The following USP6NL variants were observed in gnomAD, a reference collection of about 807,000 sequenced individuals.
USP6NL encodes the protein USP6 N-terminal-like protein.
A neutral mutation model predicts 61.9 loss-of-function variants in USP6NL; 26 were observed. The observed-to-expected ratio is 0.42, with a 90% CI of 0.31 to 0.58. The LOEUF (loss-of-function observed/expected upper bound fraction) is 0.58. Ranked by LOEUF, USP6NL falls within the 20% of genes least tolerant of loss-of-function variation. The pLI is 0.16. For synonymous variants in USP6NL, 432 were observed against 390.1 expected, an observed-to-expected ratio of 1.11 and a Z score of -1.27; for missense variants, 1,114 against 1,034.3, an observed-to-expected ratio of 1.08 and a Z score of -1.06.
intron 6 of USP6NL, among the ~76,000 whole-genome samples, chr10:11,502,612 A>G (rs144843498): frequency 1.3e-5 from 2 of 152,364 alleles, no homozygotes; most frequent in African/African-American, 4.8e-5. Context: ...AAGAGCTACA[A>G]TAAGTAGTAC....
At chr10:11,516,758 T>C (rs1382247982) in intron 5 of USP6NL, among the ~76,000 whole-genome samples, 2 of 152,260 alleles carry the variant, frequency 1.3e-5, no homozygotes, top group African/African-American at 2.4e-5. Flanking sequence ...GATCATTTTT[T>C]AGTGATTCCC....
rs1838380124 is a variant in USP6NL, at chr10:11,597,833, CT to C, written c.-83-117del. On this transcript the variant is annotated intron_variant, in intron 1 of 14. Transcript: ENST00000609104. This position sits in a 1 kb window ranked among gnomAD's most constrained non-coding sequence, Gnocchi z 4.6. ...AATATTCTACTATTTCCAAAAAGAA[CT>C]CTTGTGATCACCTATTAAATATAAA... is the stretch of plus-strand genomic sequence containing the variant. 1 of 552,040 alleles carries C rather than the reference CT, an allele frequency of 1.8e-6. No homozygotes were observed. The highest frequency in any genetic ancestry group is 3.3e-6 in the Non-Finnish European group (1 of 307,142). 34.2% of individuals were successfully genotyped at this position (552,040 alleles called of 1,614,324 possible).
intron 2 of USP6NL, among the ~76,000 whole-genome samples, chr10:11,533,165 G>A (rs1395066647): frequency 1.3e-5 from 2 of 152,114 alleles, no homozygotes; most frequent in Non-Finnish European, 2.9e-5. Flanking sequence ...TTGAGAGGGG[G>A]AAAATTTCTC....
chr10:11,606,835 G>T (rs1427442226), intron 1 of USP6NL, among the ~76,000 whole-genome samples: 1 of 151,042 alleles, frequency 6.6e-6, no homozygotes, highest in African/African-American at 2.4e-5. Context: ...TCTGTCGCCA[G>T]GCTGGAGTGC....
chr10:11,526,957 G>A (rs896584258), intron 3 of USP6NL, among the ~76,000 whole-genome samples: 5 of 152,090 alleles, frequency 3.3e-5, no homozygotes, highest in African/African-American at 9.7e-5. Flanking sequence ...AATTATGAAC[G>A]CAACGGATAT....
intron 2 of USP6NL, among the ~76,000 whole-genome samples, chr10:11,584,361 T>G (rs1303065879): frequency 2.6e-5 from 4 of 152,170 alleles, no homozygotes; most frequent in Admixed American, 2.6e-4. Context: ...ACAAAAGCAC[T>G]TGGGTATATA....
chr10:11,556,615 TC>T (rs1346325762), intron 2 of USP6NL, among the ~76,000 whole-genome samples: 18 of 152,164 alleles, frequency 1.2e-4, no homozygotes, highest in African/African-American at 4.3e-4. Context: ...ACTAAAGAAA[TC>T]TGATAACACT....
intron 5 of USP6NL, among the ~76,000 whole-genome samples, chr10:11,517,689 C>T (rs1165069766): frequency 6.6e-6 from 1 of 152,210 alleles, no homozygotes; most frequent in African/African-American, 2.4e-5. Flanking sequence ...ATTTCATCTA[C>T]ATCTTAAGGT....
At position 11,562,776 on chromosome 10, in the gene USP6NL, C is replaced by G. The variant is rs75394952; in HGVS notation, c.4+34855G>C. The G allele has an allele frequency of 2.0e-6, 2 of 984,920 alleles. No homozygotes were observed. Among genetic ancestry groups the G allele is most frequent in the Non-Finnish European group, 2.4e-6 (2 of 829,528 alleles). The allele number at this position is 984,920 out of a possible 1,614,324, so 61.0% of individuals were successfully genotyped here. On this transcript the variant is annotated intron_variant, in intron 2 of 14. Transcript: ENST00000609104. The surrounding 1 kb of genome is among the most constrained non-coding windows in gnomAD (Gnocchi z 4.8). ...ACACAGTACAATCATAAGTGAATTG[C>G]CTAATTTCTCAGTATTCTAGTTTTA...
At chr10:11,560,025 T>A (rs996119688) in intron 2 of USP6NL, among the ~76,000 whole-genome samples, 4 of 152,292 alleles carry the variant, frequency 2.6e-5, no homozygotes, top group South Asian at 2.1e-4. Context: ...AAGATTTTTT[T>A]AAAAAATCTT....
chr10:11,586,768 T>C (rs566101220), intron 2 of USP6NL, among the ~76,000 whole-genome samples: 41 of 147,624 alleles, frequency 2.8e-4, no homozygotes, highest in Middle Eastern at 3.5e-3. Flanking sequence ...AAAGTATAAA[T>C]AGAGGCAAGA....
In USP6NL at chr10:11,555,471, A is replaced by AGAGAGAAAG. The variant is rs1566178235; in HGVS notation, c.5-27905_5-27904insCTTTCTCTC. 2.3e-3 allele frequency among the ~76,000 whole-genome samples: 145 copies of AGAGAGAAAG among 61,930 alleles called. 1 individual carries two copies. The highest frequency in any genetic ancestry group is 7.4e-3 in the South Asian group (10 of 1,348). The allele number at this position is 61,930 out of a possible 152,430, so 40.6% of individuals were successfully genotyped here. ...ATATATAGAGAGAGAGAGAGAGAGA[A>AGAGAGAAAG]AGAGAGAGAGAGAGAGAGAGAGAAG... On this transcript the variant is annotated intron_variant, in intron 2 of 14. Transcript: ENST00000609104.
In USP6NL at chr10:11,553,390, T is replaced by C. The variant is rs1836565678; in HGVS notation, c.5-25823A>G. On this transcript the variant is annotated intron_variant, in intron 2 of 14. Coordinates refer to ENST00000609104, the MANE Select transcript of USP6NL (RefSeq NM_014688.5). This position sits in a 1 kb window ranked among gnomAD's most constrained non-coding sequence, Gnocchi z 4.8. ...CACTAACTTCAGCCTCCAGGTTTCC[T>C]TGTGTGGATGTCATTTCAGCAAGGA... is the stretch of plus-strand genomic sequence containing the variant. Among the ~76,000 whole-genome samples, 1 of 152,240 alleles carries C rather than the reference T, an allele frequency of 6.6e-6. No individual in the cohort carries two copies. The highest frequency in any genetic ancestry group is 1.5e-5 in the Non-Finnish European group (1 of 68,034).
At chr10:11,541,895 A>G (rs1429212819) in intron 2 of USP6NL, among the ~76,000 whole-genome samples, 1 of 152,226 alleles carries the variant, frequency 6.6e-6, no homozygotes, top group Admixed American at 6.5e-5. Flanking sequence ...AATTTTTTTT[A>G]ATTTTCCAAA....
rs1837999267 is a variant in USP6NL, at chr10:11,587,127, G to C, written c.4+10504C>G. Among the ~76,000 whole-genome samples the C allele has an allele frequency of 6.6e-6, 1 of 152,102 alleles. No individual in the cohort carries two copies. The highest frequency in any genetic ancestry group is 1.5e-5 in the Non-Finnish European group (1 of 68,032). On this transcript the variant is annotated intron_variant, in intron 2 of 14. Coordinates refer to ENST00000609104, the MANE Select transcript of USP6NL (RefSeq NM_014688.5). This position sits in a 1 kb window ranked among gnomAD's most constrained non-coding sequence, Gnocchi z 4.5. ...CAAGGCCAAGGGTCATGTCTGTCTT[G>C]TTCTTGGCTGTATCATCTAAGACCA...
Position 11,479,036 on chromosome 10 carries a change from C to A in USP6NL, c.1078+2734G>T, listed in dbSNP as rs371024370. Among the ~76,000 whole-genome samples the A allele has an allele frequency of 2.6e-4, 40 of 152,148 alleles. No individual in the cohort carries two copies. In the East Asian group the frequency reaches 3.3e-3, roughly 12 times the overall value. ...AATAAGCAGAGCTGAGTTCTTATTC[C>A]ATAACAAAAAGTAAATTCTAGATGA... is the stretch of plus-strand genomic sequence containing the variant. On this transcript the variant is annotated intron_variant, in intron 14 of 14. Transcript: ENST00000609104.
rs771728674 is a variant in USP6NL, at chr10:11,525,911, T to C, written c.73-443A>G. 7.9e-5 allele frequency among the ~76,000 whole-genome samples: 12 copies of C among 152,342 alleles called. No homozygotes were observed. Among genetic ancestry groups the C allele is most frequent in the Middle Eastern group, 3.4e-3 (1 of 294 alleles). ...CAGGCAGAGAAGCTCCTCGTCTAGT[T>C]CTTTACTTCACAGCTATGCCAGCCT... On this transcript the variant is annotated intron_variant, in intron 3 of 14. Transcript: ENST00000609104. This position sits in a 1 kb window ranked among gnomAD's most constrained non-coding sequence, Gnocchi z 5.0.
rs567516340 is a variant in USP6NL, at chr10:11,490,417, C to T, written c.543+415G>A. ...CATAGTTATCTTGTTTGGACCTCAC[C>T]TAATAGATAAATGTGATTGTGAAAA... On this transcript the variant is annotated intron_variant, in intron 9 of 14. Transcript: ENST00000609104. The surrounding 1 kb of genome is among the most constrained non-coding windows in gnomAD (Gnocchi z 4.5). 6.6e-6 allele frequency among the ~76,000 whole-genome samples: 1 copy of T among 152,264 alleles called. No homozygotes were observed. Among genetic ancestry groups the T allele is most frequent in the African/African-American group, 2.4e-5 (1 of 41,556 alleles).
At position 11,591,444 on chromosome 10, in the gene USP6NL, T is replaced by C. The variant is rs1234724194; in HGVS notation, c.4+6187A>G. 1.3e-5 allele frequency among the ~76,000 whole-genome samples: 2 copies of C among 152,104 alleles called. No homozygotes were observed. Among genetic ancestry groups the C allele is most frequent in the Non-Finnish European group, 1.5e-5 (1 of 68,022 alleles). ...CTTTTGAAGAATAAAAATATAATAGTAGGTATATAATTTGAAATTTTAAGA... is the reference window on the plus strand; with the variant it reads ...CTTTTGAAGAATAAAAATATAATAGCAGGTATATAATTTGAAATTTTAAGA... On this transcript the variant is annotated intron_variant, in intron 2 of 14. Transcript: ENST00000609104. The surrounding 1 kb of genome is among the most constrained non-coding windows in gnomAD (Gnocchi z 4.7).
Sources: gnomAD v4.1 joint callset for allele counts (sites outside exome capture counted in the v4.1 genomes callset) on GRCh38, gnomAD v4.1.1 for gene constraint, Gnocchi (gnomAD v3.1) non-coding constraint, MANE v1.5 for transcripts, NCBI Gene and HGNC (gene_info 2026-07-23, HGNC 2026-07-21) for gene names.